Variants in SLIT2 observed in about 807,000 individuals in gnomAD.
SLIT2 encodes the protein slit guidance ligand 2.
SLIT2 carries 41 observed loss-of-function variants against 185.7 expected under a neutral mutation model. The observed-to-expected ratio is 0.22, with a 90% CI of 0.17 to 0.29. The LOEUF (loss-of-function observed/expected upper bound fraction) is 0.29. SLIT2 is among the 10% of genes least tolerant of loss of function. SLIT2 has a pLI of 1.00. For missense variants in SLIT2, 1,571 were observed against 1,909.0 expected (o/e 0.82, Z 3.30); for synonymous variants, 693 against 680.2 (o/e 1.02, Z -0.29).
rs960684507 is a variant in SLIT2, at chr4:20,617,744, A to C, written c.4348+94A>C. 5.8e-5 allele frequency: 49 copies of C among 841,632 alleles called. No homozygotes were observed. The African/African-American group carries it at 7.5e-4, about 13-fold the overall frequency. The allele number at this position is 841,632 out of a possible 1,614,324, so 52.1% of individuals were successfully genotyped here. ...GAGGGAGAAAAAGTGAAAAAAAAAA[A>C]AAAAACAGGAGCAACAGAGACAGAG... is the stretch of plus-strand genomic sequence containing the variant. On this transcript the variant is annotated intron_variant, in intron 36 of 36. Transcript: ENST00000504154.
intron 4 of SLIT2, among the ~76,000 whole-genome samples, chr4:20,395,498 A>G (rs1725818764): frequency 6.6e-6 from 1 of 152,010 alleles, no homozygotes; most frequent in Non-Finnish European, 1.5e-5. Context: ...ATATGATGTG[A>G]TATAATTTAC....
chr4:20,371,689 G>T (rs925882789), intron 4 of SLIT2, among the ~76,000 whole-genome samples: 10 of 152,054 alleles, frequency 6.6e-5, no homozygotes, highest in African/African-American at 2.4e-4. Flanking sequence ...AAAATGCACT[G>T]TGATCATCAC....
Position 20,591,907 on chromosome 4 carries a change from G to A in SLIT2, c.3182+2170G>A, listed in dbSNP as rs114727079. On this transcript the variant is annotated intron_variant, in intron 30 of 36. Transcript: ENST00000504154. ...AATCCTTAATTAAATATCTCCTCTC[G>A]CCATCAAATAAATTAGACACTCTTA... 7.3e-3 allele frequency among the ~76,000 whole-genome samples: 1,103 copies of A among 151,872 alleles called. 10 individuals carry two copies. Among genetic ancestry groups the A allele is most frequent in the Middle Eastern group, 0.02 (6 of 294 alleles).
intron 5 of SLIT2, among the ~76,000 whole-genome samples, chr4:20,469,781 T>C (rs652718): frequency 3.2e-5 from 4 of 126,560 alleles, no homozygotes; most frequent in Non-Finnish European, 6.5e-5. Flanking sequence ...TTTGAGATGG[T>C]GTCTCGCTCT....
At chr4:20,379,679 T>C (rs1724333634) in intron 4 of SLIT2, among the ~76,000 whole-genome samples, 1 of 152,168 alleles carries the variant, frequency 6.6e-6, no homozygotes, top group African/African-American at 2.4e-5. Context: ...GGATTTACTC[T>C]CCTGCTTTAA....
At chr4:20,500,387 T>A (rs1290352676) in intron 9 of SLIT2, among the ~76,000 whole-genome samples, 1 of 152,196 alleles carries the variant, frequency 6.6e-6, no homozygotes, top group Non-Finnish European at 1.5e-5. Context: ...TTGTTAGCAT[T>A]TTGCAGTTTT....
intron 26 of SLIT2, 57 bp downstream of exon 26, chr4:20,554,025 A>G: frequency 7.3e-7 from 1 of 1,374,898 alleles, no homozygotes; most frequent in South Asian, 1.4e-5. Context: ...AGTAAAAAAG[A>G]AAAAGACAAC....
intron 8 of SLIT2, chr4:20,490,024 C>G (rs1717636335): frequency 6.6e-6 from 1 of 152,138 alleles, no homozygotes; most frequent in Admixed American, 6.6e-5. Flanking sequence ...GGAGGTGGAG[C>G]TTGCAGTGAG....
chr4:20,523,809 G>A lies in SLIT2; in HGVS notation c.1180G>A (p.Asp394Asn), dbSNP rs1560499824. 2.5e-6 allele frequency: 4 copies of A among 1,613,722 alleles called. No homozygotes were observed. Among genetic ancestry groups the A allele is most frequent in the Non-Finnish European group, 2.5e-6 (3 of 1,179,690 alleles). The change falls in exon 13 of 37, where the codon GAT (aspartate) becomes AAT (asparagine). Residue 394 changes from aspartate to asparagine, a missense_variant. By Grantham distance (23) the Asp-to-Asn change is conservative (BLOSUM62 1). Transcript: ENST00000504154. ...INCLRVDAFQ[D>N]LHNLNLLSLY... Reference sequence around the variant, plus strand: ...CTGCCTTCGGGTAGATGCTTTTCAGGATCTCCACAACTTGAACCTTCTCTC... The same window carrying A: ...CTGCCTTCGGGTAGATGCTTTTCAGAATCTCCACAACTTGAACCTTCTCTC...
intron 3 of SLIT2, among the ~76,000 whole-genome samples, chr4:20,260,721 T>C (rs1712362031): frequency 6.6e-6 from 1 of 151,880 alleles, no homozygotes; most frequent in African/African-American, 2.4e-5. Flanking sequence ...TGAATTTAAT[T>C]GTAGCATGGA....
chr4:20,289,845 C>T (rs1715627250), intron 4 of SLIT2, among the ~76,000 whole-genome samples: 1 of 152,176 alleles, frequency 6.6e-6, no homozygotes, highest in Non-Finnish European at 1.5e-5. Context: ...CAGTTTGTGA[C>T]ATTCTAGTTA....
chr4:20,343,392 T>A (rs1266561154), intron 4 of SLIT2, among the ~76,000 whole-genome samples: 1 of 152,248 alleles, frequency 6.6e-6, no homozygotes, highest in Non-Finnish European at 1.5e-5. Flanking sequence ...TCCATGTTGC[T>A]GCAAATGACA....
In SLIT2 at chr4:20,548,572, G is replaced by A; in HGVS notation, c.2417+13G>A. 6.6e-7 allele frequency: 1 copy of A among 1,525,262 alleles called. No individual in the cohort carries two copies. Among genetic ancestry groups the A allele is most frequent in the Non-Finnish European group, 9.1e-7 (1 of 1,099,642 alleles). The allele number at this position is 1,525,262 out of a possible 1,614,324, so 94.5% of individuals were successfully genotyped here. On this transcript the variant is annotated intron_variant, in intron 23 of 36. Coordinates refer to ENST00000504154, the MANE Select transcript of SLIT2 (RefSeq NM_004787.4). ...AGCTCCTCACCTTGTGAGTGTGAAA[G>A]TGTGGTACTGAGTATTCATTAATTC...
At chr4:20,470,256 T>C (rs1236473219) in intron 5 of SLIT2, among the ~76,000 whole-genome samples, 1 of 152,062 alleles carries the variant, frequency 6.6e-6, no homozygotes, top group African/African-American at 2.4e-5. Flanking sequence ...TAACATGAAA[T>C]GATTAGCAAT....
At chr4:20,354,886 CGTGT>C (rs370122919) in intron 4 of SLIT2, among the ~76,000 whole-genome samples, 15,592 of 135,444 alleles carry the variant, frequency 0.12, 917 homozygotes, top group African/African-American at 0.14. Flanking sequence ...GGCAAGTCTG[CGTGT>C]GTGTGTGTGT....
chr4:20,440,351 G>T (rs1729655317), intron 4 of SLIT2, among the ~76,000 whole-genome samples: 1 of 152,220 alleles, frequency 6.6e-6, no homozygotes, highest in Admixed American at 6.5e-5. Flanking sequence ...TCACCAGTCA[G>T]AGTGGGGACC....
Position 20,606,271 on chromosome 4 carries a change from G to A in SLIT2, c.3693-3742G>A, listed in dbSNP as rs541126831. Among the ~76,000 whole-genome samples the A allele has an allele frequency of 1.4e-4, 22 of 152,216 alleles. No homozygotes were observed. In the South Asian group the frequency reaches 4.6e-3, roughly 32 times the overall value. On this transcript the variant is annotated intron_variant, in intron 33 of 36. Coordinates refer to ENST00000504154, the MANE Select transcript of SLIT2 (RefSeq NM_004787.4). ...GCACTTTGGGAGGCCAAGCCAGGAA[G>A]ATCACTTGAGACCAGCCTGGGAAAC...
intron 4 of SLIT2, among the ~76,000 whole-genome samples, chr4:20,409,449 A>G (rs1410639253): frequency 6.6e-6 from 1 of 152,054 alleles, no homozygotes; most frequent in African/African-American, 2.4e-5. Flanking sequence ...TATGTACCAC[A>G]TTTTCTTTAT....
At chr4:20,406,377 T>A (rs1253687982) in intron 4 of SLIT2, among the ~76,000 whole-genome samples, 1 of 143,676 alleles carries the variant, frequency 7.0e-6, no homozygotes, top group African/African-American at 2.4e-5. Flanking sequence ...GAGAAGGGAT[T>A]TGTAATATAT....
Sources: gnomAD v4.1 joint callset for allele counts (sites outside exome capture counted in the v4.1 genomes callset) on GRCh38, gnomAD v4.1.1 for gene constraint, MANE v1.5 for transcripts, NCBI Gene and HGNC (gene_info 2026-07-23, HGNC 2026-07-21) for gene names.